Variants in CSMD1 observed in about 807,000 individuals in gnomAD.
CSMD1 encodes the protein CUB and Sushi multiple domains 1, also known as CUB and sushi domain-containing protein 1.
CSMD1 carries 213 observed loss-of-function variants against 417.5 expected under a neutral mutation model. That is an observed-to-expected ratio of 0.51 (90% CI 0.46 to 0.57). CSMD1 has a LOEUF of 0.57. Among genes scored for constraint, CSMD1 ranks in the 20% least tolerant of loss-of-function variants. The probability of loss-of-function intolerance (pLI) is 0.00; values close to 1 mark genes in which losing one functional copy is unlikely to be tolerated. For synonymous variants in CSMD1, 2,862 were observed against 1,736.8 expected (o/e 1.65, Z -16.11); for missense variants, 6,923 against 4,529.7 (o/e 1.53, Z -15.17).
intron 37 of CSMD1, among the ~76,000 whole-genome samples, chr8:3,169,885 G>A (rs73183556): frequency 1.3e-5 from 2 of 152,026 alleles, no homozygotes; most frequent in African/African-American, 4.8e-5. Flanking sequence ...TTCCTGATGT[G>A]AGAATGGGCT....
Position 4,715,657 on chromosome 8 carries a change from G to A in CSMD1, c.86-78099C>T, listed in dbSNP as rs12681885. Reference sequence around the variant, plus strand: ...TCCCTTCAAAATCATTTCTCTTCCAGATTCATCTTAATTTTGGCAACTGTT... The same window carrying A: ...TCCCTTCAAAATCATTTCTCTTCCAAATTCATCTTAATTTTGGCAACTGTT... On this transcript the variant is annotated intron_variant, in intron 1 of 69. Coordinates refer to ENST00000635120, the MANE Select transcript of CSMD1 (RefSeq NM_033225.6). 1.4e-3 allele frequency among the ~76,000 whole-genome samples: 213 copies of A among 152,216 alleles called. 1 individual carries two copies. Among genetic ancestry groups the A allele is most frequent in the Non-Finnish European group, 2.4e-3 (166 of 68,020 alleles).
chr8:3,824,153 C>G (rs1801907743), intron 5 of CSMD1, among the ~76,000 whole-genome samples: 2 of 151,908 alleles, frequency 1.3e-5, no homozygotes, highest in African/African-American at 4.8e-5. Context: ...CCGAGTCAAA[C>G]ATTCCAATGG....
At chr8:3,093,391 G>C (rs1815083633) in intron 47 of CSMD1, among the ~76,000 whole-genome samples, 1 of 152,212 alleles carries the variant, frequency 6.6e-6, no homozygotes, top group Non-Finnish European at 1.5e-5. Flanking sequence ...TTGAGGCTAG[G>C]CATGGTGGCT....
chr8:4,842,529 A>G (rs1463386420), intron 1 of CSMD1, among the ~76,000 whole-genome samples: 1 of 152,204 alleles, frequency 6.6e-6, no homozygotes, highest in Non-Finnish European at 1.5e-5. Context: ...GCAAGTGTTC[A>G]CTTACAGCGA....
At chr8:4,794,612 G>C (rs1030312692) in intron 1 of CSMD1, among the ~76,000 whole-genome samples, 1 of 152,120 alleles carries the variant, frequency 6.6e-6, no homozygotes, top group Non-Finnish European at 1.5e-5. Context: ...TGGGCTGCAA[G>C]GCTGATGTGC....
intron 5 of CSMD1, among the ~76,000 whole-genome samples, chr8:3,887,454 G>T (rs950122069): frequency 6.6e-6 from 1 of 152,104 alleles, no homozygotes. Flanking sequence ...ATGAAAGTGG[G>T]GCTAATTTTG....
chr8:3,233,328 G>A (rs1386013124), intron 26 of CSMD1, among the ~76,000 whole-genome samples: 2 of 152,298 alleles, frequency 1.3e-5, no homozygotes, highest in South Asian at 4.1e-4. Context: ...GAGCTGGCAT[G>A]CTCAGCCCCT....
At chr8:4,796,104 G>C (rs1222206483) in intron 1 of CSMD1, among the ~76,000 whole-genome samples, 2 of 152,042 alleles carry the variant, frequency 1.3e-5, no homozygotes, top group Admixed American at 6.6e-5. Flanking sequence ...ATTCCACAAG[G>C]AGTTTACTGT....
At chr8:3,383,493 A>G (rs1358046222) in intron 18 of CSMD1, among the ~76,000 whole-genome samples, 2 of 152,136 alleles carry the variant, frequency 1.3e-5, no homozygotes, top group East Asian at 3.9e-4. Context: ...CTTCTTCCAC[A>G]CTAGGAAAAC....
rs146752375 is a variant in CSMD1 at position 4,247,242 on chromosome 8, T to A, written c.415+172711A>T. Among the ~76,000 whole-genome samples the A allele has an allele frequency of 2.4e-3, 364 of 152,316 alleles. 1 individual carries two copies. Among genetic ancestry groups the A allele is most frequent in the Middle Eastern group, 6.8e-3 (2 of 294 alleles). On this transcript the variant is annotated intron_variant, in intron 3 of 69. Coordinates refer to ENST00000635120, the MANE Select transcript of CSMD1 (RefSeq NM_033225.6). ...GAACAGCGAGAAAGGGACCCTCAAG[T>A]AACTATTGAGTACAATGACCAAAGA...
chr8:3,536,847 T>G (rs931120830), intron 10 of CSMD1, among the ~76,000 whole-genome samples: 1 of 152,186 alleles, frequency 6.6e-6, no homozygotes, highest in African/African-American at 2.4e-5. Flanking sequence ...CCACGGTCCG[T>G]GTTCTGTGGC....
chr8:3,612,101 T>C (rs77729898), intron 8 of CSMD1, among the ~76,000 whole-genome samples: 3 of 152,082 alleles, frequency 2.0e-5, no homozygotes, highest in Admixed American at 6.6e-5. Context: ...TAGAAACATA[T>C]ATAACAATCC....
chr8:3,061,172 C>G (rs928105005), intron 49 of CSMD1, among the ~76,000 whole-genome samples: 1 of 152,026 alleles, frequency 6.6e-6, no homozygotes, highest in Non-Finnish European at 1.5e-5. Flanking sequence ...ATAAAGTATC[C>G]AAACCTTTGC....
intron 3 of CSMD1, among the ~76,000 whole-genome samples, chr8:4,319,763 T>G (rs2128883347): frequency 6.6e-6 from 1 of 152,210 alleles, no homozygotes; most frequent in Admixed American, 6.5e-5. Context: ...GCTGCTAGAG[T>G]TGCCGGGCAA....
chr8:3,035,287 T>G (rs948783909), intron 50 of CSMD1, among the ~76,000 whole-genome samples: 4 of 152,132 alleles, frequency 2.6e-5, no homozygotes, highest in African/African-American at 9.7e-5. Context: ...TTTCACATTG[T>G]GTATGTAATT....
intron 33 of CSMD1, among the ~76,000 whole-genome samples, chr8:3,192,896 G>A (rs1292805725): frequency 6.6e-6 from 1 of 151,580 alleles, no homozygotes; most frequent in Admixed American, 6.6e-5. Flanking sequence ...TGTCATGTTT[G>A]CATGCTTGAG....
intron 1 of CSMD1, among the ~76,000 whole-genome samples, chr8:4,668,747 C>A (rs1286629102): frequency 5.3e-5 from 8 of 152,130 alleles, no homozygotes; most frequent in Admixed American, 5.2e-4. Flanking sequence ...CAACCTCTCT[C>A]TAGATAGTTT....
At chr8:4,731,518 C>A (rs908187717) in intron 1 of CSMD1, among the ~76,000 whole-genome samples, 10 of 152,178 alleles carry the variant, frequency 6.6e-5, no homozygotes, top group Non-Finnish European at 2.9e-5. Context: ...TCATAACTTT[C>A]CATTTATCTA....
Position 4,691,846 on chromosome 8 carries a change from G to C in CSMD1, c.86-54288C>G, listed in dbSNP as rs1451164270. ...AAGTCGAAGAGGTTTTAATGGGCCA[G>C]TGTTTTCACACTTCTCAAACACACT... On this transcript the variant is annotated intron_variant, in intron 1 of 69. Transcript: ENST00000635120. 8.5e-5 allele frequency among the ~76,000 whole-genome samples: 13 copies of C among 152,358 alleles called. No homozygotes were observed. The South Asian group carries it at 2.1e-3, about 24-fold the overall frequency.
Sources: allele counts gnomAD v4.1 joint callset (sites outside exome capture counted in the v4.1 genomes callset), GRCh38; gene constraint gnomAD v4.1.1; transcripts MANE v1.5; gene names NCBI Gene and HGNC (gene_info 2026-07-23, HGNC 2026-07-21).